The following LEKR1 variants were observed in gnomAD, a reference collection of about 807,000 sequenced individuals.
LEKR1 encodes the protein leucine, glutamate and lysine rich 1.
LEKR1 carries 59 observed loss-of-function variants against 72.4 expected under a neutral mutation model. The ratio of observed to expected loss-of-function variants is 0.82; its 90% CI spans 0.66 to 1.01. The LOEUF (loss-of-function observed/expected upper bound fraction) is 1.01. Among genes scored for constraint, LEKR1 ranks in the 50% least tolerant of loss-of-function variants. LEKR1 has a pLI of 0.00. For synonymous variants in LEKR1, 257 were observed against 263.2 expected, an observed-to-expected ratio of 0.98 and a Z score of 0.23; for missense variants, 728 against 759.2, an observed-to-expected ratio of 0.96 and a Z score of 0.48.
At chr3:156,831,123 A>G (rs1712330474) in intron 2 of LEKR1, among the ~76,000 whole-genome samples, 1 of 152,100 alleles carries the variant, frequency 6.6e-6, no homozygotes, top group African/African-American at 2.4e-5. Context: ...GGGCTAGGGT[A>G]TGGGAGCTGC....
rs1334844060 is a variant in LEKR1, at chr3:156,970,127, T to C, written c.746-9067T>C. Among the ~76,000 whole-genome samples, 3 of 152,128 alleles carry C rather than the reference T, an allele frequency of 2.0e-5. No individual in the cohort carries two copies. In the East Asian group the frequency reaches 5.8e-4, roughly 29 times the overall value. On this transcript the variant is annotated intron_variant, in intron 6 of 12. Transcript: ENST00000356539. Reference sequence around the variant, plus strand: ...GGTATTGATGGGACATATCTCAAAATAATAAGAGCTATCTATGACAAACCC... The same window carrying C: ...GGTATTGATGGGACATATCTCAAAACAATAAGAGCTATCTATGACAAACCC...
chr3:157,005,148 CATG>C (rs765288279), intron 9 of LEKR1, among the ~76,000 whole-genome samples: 9 of 151,974 alleles, frequency 5.9e-5, no homozygotes, highest in Non-Finnish European at 7.4e-5. Context: ...ACAGAAATAT[CATG>C]AACAGCTTTA....
At chr3:156,949,399 C>A (rs1228710664) in intron 6 of LEKR1, among the ~76,000 whole-genome samples, 1 of 151,650 alleles carries the variant, frequency 6.6e-6, no homozygotes, top group East Asian at 1.9e-4. Context: ...GTTATCCCAG[C>A]ACCGTTTACT....
intron 11 of LEKR1, among the ~76,000 whole-genome samples, chr3:157,027,833 C>T (rs1378313059): frequency 6.6e-6 from 1 of 152,086 alleles, no homozygotes; most frequent in Non-Finnish European, 1.5e-5. Context: ...AAAAAAAAGA[C>T]TTGTGCTATC....
chr3:156,907,711 A>G (rs1265797926), intron 3 of LEKR1, among the ~76,000 whole-genome samples: 4 of 152,116 alleles, frequency 2.6e-5, no homozygotes, highest in African/African-American at 7.2e-5. Context: ...CAGATACACA[A>G]CTTCCCACAA....
chr3:156,993,035 TA>T, intron 8 of LEKR1, 38 bp from the exon 9 acceptor site: 1 of 1,053,218 alleles, frequency 9.5e-7, no homozygotes, highest in Non-Finnish European at 1.4e-6. Flanking sequence ...ATGTAGTATA[TA>T]ATGTATGTTG....
At chr3:156,972,368 AG>A (rs1364948962) in intron 6 of LEKR1, among the ~76,000 whole-genome samples, 1 of 152,138 alleles carries the variant, frequency 6.6e-6, no homozygotes. Context: ...GGGGAGGGAT[AG>A]CATTAGGAGA....
At chr3:156,927,897 C>T (rs142263642) in intron 5 of LEKR1, among the ~76,000 whole-genome samples, 2 of 152,008 alleles carry the variant, frequency 1.3e-5, no homozygotes, top group African/African-American at 2.4e-5. Flanking sequence ...GACTGAGTAG[C>T]TCATATTAGG....
chr3:156,961,276 T>A (rs544828648), intron 6 of LEKR1, among the ~76,000 whole-genome samples: 2 of 152,356 alleles, frequency 1.3e-5, no homozygotes, highest in South Asian at 4.1e-4. Flanking sequence ...TTTACAGAGA[T>A]AAAATTCACA....
At chr3:157,009,490 C>T (rs1383795402) in intron 9 of LEKR1, among the ~76,000 whole-genome samples, 2 of 152,082 alleles carry the variant, frequency 1.3e-5, no homozygotes, top group Non-Finnish European at 2.9e-5. Context: ...TGGTCAATTC[C>T]ATATGAGCTG....
intron 3 of LEKR1, among the ~76,000 whole-genome samples, chr3:156,895,394 A>C (rs1219953964): frequency 6.6e-6 from 1 of 152,198 alleles, no homozygotes; most frequent in Non-Finnish European, 1.5e-5. Context: ...TGGGTGGATC[A>C]ACTGAGCTCA....
At chr3:156,877,549 G>A (rs992323424) in intron 3 of LEKR1, among the ~76,000 whole-genome samples, 1 of 152,018 alleles carries the variant, frequency 6.6e-6, no homozygotes, top group African/African-American at 2.4e-5. Flanking sequence ...ATTTGAGAGG[G>A]TTGTCTATTT....
chr3:156,939,339 T>G (rs1043679872), intron 5 of LEKR1, among the ~76,000 whole-genome samples: 1 of 152,192 alleles, frequency 6.6e-6, no homozygotes, highest in African/African-American at 2.4e-5. Flanking sequence ...AGATCCTTCC[T>G]TCACTGTCGG....
At chr3:157,026,577 T>A (rs746165142) in intron 11 of LEKR1, among the ~76,000 whole-genome samples, 1 of 152,186 alleles carries the variant, frequency 6.6e-6, no homozygotes, top group East Asian at 1.9e-4. Flanking sequence ...TAATAGAATA[T>A]TAATTTATAA....
chr3:156,962,259 G>A (rs988023485), intron 6 of LEKR1, among the ~76,000 whole-genome samples: 2 of 152,198 alleles, frequency 1.3e-5, no homozygotes, highest in Admixed American at 6.5e-5. Flanking sequence ...TGAACTGTTG[G>A]ACTTTAGTTG....
chr3:156,877,902 C>T (rs1718802245), intron 3 of LEKR1, among the ~76,000 whole-genome samples: 1 of 152,144 alleles, frequency 6.6e-6, no homozygotes, highest in Admixed American at 6.6e-5. Context: ...CCTGCCTCAG[C>T]CTCCTTAGTA....
chr3:156,973,813 C>G (rs1350369878), intron 6 of LEKR1, among the ~76,000 whole-genome samples: 1 of 152,020 alleles, frequency 6.6e-6, no homozygotes, highest in Non-Finnish European at 1.5e-5. Flanking sequence ...CAAGTTAAAC[C>G]AGAGACACTA....
intron 11 of LEKR1, 53 bp downstream of exon 11, chr3:157,024,977 TG>T: frequency 7.8e-7 from 1 of 1,279,190 alleles, no homozygotes; most frequent in Non-Finnish European, 1.1e-6. Context: ...CTGCAGATGT[TG>T]TATATTTCGC....
chr3:156,835,504 A>G (rs1396245121), intron 2 of LEKR1, among the ~76,000 whole-genome samples: 1 of 152,224 alleles, frequency 6.6e-6, no homozygotes, highest in African/African-American at 2.4e-5. Context: ...AGGACGAGAT[A>G]GTGATTTTAT....
Sources: allele counts gnomAD v4.1 joint callset (sites outside exome capture counted in the v4.1 genomes callset), GRCh38; gene constraint gnomAD v4.1.1; transcripts MANE v1.5; gene names NCBI Gene and HGNC (gene_info 2026-07-23, HGNC 2026-07-21).